The following CNTNAP5 variants were observed in gnomAD, a reference collection of about 807,000 sequenced individuals.
The protein encoded by CNTNAP5 is contactin associated protein family member 5.
A neutral mutation model predicts 150.2 loss-of-function variants in CNTNAP5; 72 were observed. The observed-to-expected ratio is 0.48, with a 90% CI of 0.40 to 0.58. CNTNAP5 has a LOEUF of 0.58. CNTNAP5 is among the 20% of genes least tolerant of loss of function. The pLI, the probability that CNTNAP5 is intolerant of heterozygous loss-of-function variation, is 0.00. For synonymous variants in CNTNAP5, 672 were observed against 619.8 expected (o/e 1.08, Z -1.25); for missense variants, 1,636 against 1,626.2 (o/e 1.01, Z -0.10).
intron 18 of CNTNAP5, among the ~76,000 whole-genome samples, chr2:124,790,935 G>A (rs1368739485): frequency 6.6e-6 from 1 of 152,120 alleles, no homozygotes; most frequent in Non-Finnish European, 1.5e-5. Context: ...AAGATTTGGT[G>A]TACTCATAAT....
At chr2:124,694,942 T>C (rs1216932767) in intron 13 of CNTNAP5, among the ~76,000 whole-genome samples, 3 of 152,178 alleles carry the variant, frequency 2.0e-5, no homozygotes, top group Non-Finnish European at 4.4e-5. Flanking sequence ...GGAAGCTGCT[T>C]CTTTGGCGAG....
chr2:124,599,709 C>A (rs10165603), intron 11 of CNTNAP5, among the ~76,000 whole-genome samples: 84,087 of 151,996 alleles, frequency 0.55, 23,844 homozygotes, highest in Non-Finnish European at 0.59. Flanking sequence ...CAATCTTACT[C>A]TATTATCTCA....
chr2:124,071,040 T>A (rs1682291503), intron 1 of CNTNAP5, among the ~76,000 whole-genome samples: 1 of 151,958 alleles, frequency 6.6e-6, no homozygotes. Context: ...ACAAGAGGAA[T>A]TTTGAAAACT....
chr2:124,841,367 T>C (rs1682941282), intron 19 of CNTNAP5, among the ~76,000 whole-genome samples: 1 of 150,560 alleles, frequency 6.6e-6, no homozygotes, highest in African/African-American at 2.5e-5. Flanking sequence ...CAACCATAGA[T>C]ATGCACTCCA....
rs1179507603 is a variant in CNTNAP5 at position 124,434,476 on chromosome 2, G to T, written c.530-8G>T. ...AATTTTTCTTTCCCGCTCCTTCTTT[G>T]TTCCCAGAATCAGATGTTGCTGACT... is the stretch of plus-strand genomic sequence containing the variant. On this transcript the variant is annotated splice_region_variant and splice_polypyrimidine_tract_variant and intron_variant, in intron 4 of 23. Coordinates refer to ENST00000682447, the MANE Select transcript of CNTNAP5 (RefSeq NM_001367498.1). The T allele has an allele frequency of 2.5e-6, 4 of 1,612,154 alleles. No individual in the cohort carries two copies. Among genetic ancestry groups the T allele is most frequent in the Admixed American group, 3.3e-5 (2 of 59,994 alleles).
At chr2:124,183,953 G>C (rs921573681) in intron 1 of CNTNAP5, among the ~76,000 whole-genome samples, 3 of 152,162 alleles carry the variant, frequency 2.0e-5, no homozygotes, top group African/African-American at 7.2e-5. Flanking sequence ...ATGTGATTAA[G>C]TCTCAGCAGA....
At chr2:124,235,817 C>T (rs550602327) in intron 2 of CNTNAP5, among the ~76,000 whole-genome samples, 1 of 152,278 alleles carries the variant, frequency 6.6e-6, no homozygotes, top group Admixed American at 6.5e-5. Context: ...AGGTGAACCT[C>T]CTCTTAAAAG....
Position 124,086,188 on chromosome 2 carries a change from C to CTT in CNTNAP5, c.82+60481_82+60482dup, listed in dbSNP as rs57849633. The stretch of plus-strand genomic sequence containing the variant: ...TGCAGCTTTGTTTTTGGTGTACACA[C>CTT]TTTTTTTTTTTTTTTTTTTTTTTTT... On this transcript the variant is annotated intron_variant, in intron 1 of 23. Transcript: ENST00000682447. Among the ~76,000 whole-genome samples the CTT allele has an allele frequency of 1.3e-3, 107 of 82,014 alleles. 2 individuals are homozygous for CTT. Among genetic ancestry groups the CTT allele is most frequent in the Non-Finnish European group, 1.1e-3 (52 of 45,610 alleles). 53.8% of individuals were successfully genotyped at this position (82,014 alleles called of 152,430 possible).
At chr2:124,503,950 T>G (rs1440624925) in intron 7 of CNTNAP5, among the ~76,000 whole-genome samples, 1 of 152,202 alleles carries the variant, frequency 6.6e-6, no homozygotes, top group Non-Finnish European at 1.5e-5. Context: ...CGTTCCACAT[T>G]GTGAGCTTGG....
intron 12 of CNTNAP5, among the ~76,000 whole-genome samples, chr2:124,642,284 T>C (rs931154425): frequency 6.6e-6 from 1 of 152,164 alleles, no homozygotes; most frequent in Non-Finnish European, 1.5e-5. Context: ...CTTTTTGTTA[T>C]TGTTGAGTGT....
intron 1 of CNTNAP5, among the ~76,000 whole-genome samples, chr2:124,147,519 G>A (rs1023762679): frequency 6.6e-6 from 1 of 152,214 alleles, no homozygotes; most frequent in Non-Finnish European, 1.5e-5. Context: ...CAGGAAGAGA[G>A]ATAAAGAGTT....
intron 10 of CNTNAP5, among the ~76,000 whole-genome samples, chr2:124,530,079 A>G (rs1695068439): frequency 6.6e-6 from 1 of 152,184 alleles, no homozygotes; most frequent in Non-Finnish European, 1.5e-5. Flanking sequence ...TAGGAGGCCA[A>G]GGAAGGCAGA....
chr2:124,475,756 G>T (rs935739466), intron 7 of CNTNAP5, among the ~76,000 whole-genome samples: 1 of 151,918 alleles, frequency 6.6e-6, no homozygotes, highest in African/African-American at 2.4e-5. Flanking sequence ...CCATCCTTTT[G>T]CTCTTAACCT....
At chr2:124,115,918 C>T (rs1683419108) in intron 1 of CNTNAP5, among the ~76,000 whole-genome samples, 1 of 151,760 alleles carries the variant, frequency 6.6e-6, no homozygotes, top group South Asian at 2.1e-4. Flanking sequence ...GCTGGGATTA[C>T]AGGCATCAGC....
intron 3 of CNTNAP5, among the ~76,000 whole-genome samples, chr2:124,318,657 A>C (rs551297440): frequency 6.6e-6 from 1 of 152,194 alleles, no homozygotes; most frequent in Non-Finnish European, 1.5e-5. Context: ...ATAGAAAAAG[A>C]ATCTGTATAA....
intron 1 of CNTNAP5, among the ~76,000 whole-genome samples, chr2:124,074,950 A>G (rs1031753490): frequency 6.6e-6 from 1 of 152,152 alleles, no homozygotes; most frequent in Admixed American, 6.6e-5. Context: ...TCTTCTGGCA[A>G]TGCAGGCAGT....
rs1371169301 is a variant in CNTNAP5 at position 124,341,172 on chromosome 2, A to G, written c.382-76271A>G. ...AAAAAGTCTGTCTGGTTATTTAAAT[A>G]AAACTTCTATGGAGGAGTTTTAAGA... On this transcript the variant is annotated intron_variant, in intron 3 of 23. Coordinates refer to ENST00000682447, the MANE Select transcript of CNTNAP5 (RefSeq NM_001367498.1). Among the ~76,000 whole-genome samples the G allele has an allele frequency of 2.6e-5, 4 of 152,142 alleles. No individual in the cohort carries two copies. The East Asian group carries it at 5.8e-4, about 22-fold the overall frequency.
chr2:124,716,161 C>A lies in CNTNAP5; in HGVS notation c.2078-31068C>A, dbSNP rs1679940703. Among the ~76,000 whole-genome samples the A allele has an allele frequency of 2.0e-5, 3 of 152,204 alleles. No individual in the cohort carries two copies. In the South Asian group the frequency reaches 6.2e-4, roughly 32 times the overall value. On this transcript the variant is annotated intron_variant, in intron 13 of 23. Transcript: ENST00000682447. Reference sequence around the variant, plus strand: ...TTTTATATTTTTGCCAAGCCCCCTACAAGGCCACTATCAATATGAAAAAAT... The same window carrying A: ...TTTTATATTTTTGCCAAGCCCCCTAAAAGGCCACTATCAATATGAAAAAAT...
intron 1 of CNTNAP5, among the ~76,000 whole-genome samples, chr2:124,107,564 T>A (rs745537724): frequency 7.2e-5 from 11 of 152,238 alleles, no homozygotes; most frequent in African/African-American, 1.4e-4. Flanking sequence ...GTGAGTTCAG[T>A]TATATTGATT....
Sources: gnomAD v4.1 joint callset for allele counts (sites outside exome capture counted in the v4.1 genomes callset) on GRCh38, gnomAD v4.1.1 for gene constraint, MANE v1.5 for transcripts, NCBI Gene and HGNC (gene_info 2026-07-23, HGNC 2026-07-21) for gene names.